DDX4: variants seen among roughly 807,000 people sequenced by gnomAD.
The protein encoded by DDX4 is DEAD-box helicase 4.
In DDX4, 25 loss-of-function variants were observed where a neutral mutation model predicts 100.0. The observed-to-expected ratio is 0.25, with a 90% confidence interval of 0.18 to 0.35. DDX4 has a LOEUF of 0.35. DDX4 is among the 10% of genes least tolerant of loss of function. DDX4 has a pLI of 1.00. For missense variants in DDX4, 635 were observed against 882.4 expected (o/e 0.72, Z 3.55); for synonymous variants, 259 against 275.7 (o/e 0.94, Z 0.60).
chr5:55,750,640 A>G (rs568265202), intron 3 of DDX4, among the ~76,000 whole-genome samples: 1 of 152,184 alleles, frequency 6.6e-6, no homozygotes, highest in Non-Finnish European at 1.5e-5. Flanking sequence ...TTGGAACTCC[A>G]TAACTAATTG....
intron 10 of DDX4, among the ~76,000 whole-genome samples, chr5:55,784,487 G>A (rs1193387513): frequency 6.6e-6 from 1 of 152,168 alleles, no homozygotes; most frequent in Non-Finnish European, 1.5e-5. Flanking sequence ...AGCTACCTGG[G>A]TATCCCTTAA....
chr5:55,804,750 G>A (rs1296834022), intron 18 of DDX4, among the ~76,000 whole-genome samples: 2 of 152,102 alleles, frequency 1.3e-5, no homozygotes, highest in Non-Finnish European at 2.9e-5. Context: ...TTGAAGTCAG[G>A]TAGTGTGATG....
At chr5:55,795,862 A>G (rs983093185) in intron 17 of DDX4, among the ~76,000 whole-genome samples, 3 of 152,330 alleles carry the variant, frequency 2.0e-5, no homozygotes, top group Middle Eastern at 3.4e-3. Flanking sequence ...TATTAGGGAA[A>G]ATTGGCTCAC....
intron 10 of DDX4, among the ~76,000 whole-genome samples, chr5:55,783,471 A>G (rs1373471873): frequency 6.6e-6 from 1 of 152,184 alleles, no homozygotes; most frequent in East Asian, 1.9e-4. Flanking sequence ...TCGTTATCTA[A>G]AAACCAGAAA....
chr5:55,793,937 C>T (rs1742748971), intron 17 of DDX4, among the ~76,000 whole-genome samples: 1 of 152,070 alleles, frequency 6.6e-6, no homozygotes, highest in Non-Finnish European at 1.5e-5. Context: ...AAAGTTGGTC[C>T]CCTGGTTTGA....
chr5:55,751,886 A>C (rs1221114643), intron 3 of DDX4, among the ~76,000 whole-genome samples: 1 of 152,200 alleles, frequency 6.6e-6, no homozygotes, highest in East Asian at 1.9e-4. Context: ...CTCCTACATT[A>C]TCTTCCTTAG....
At chr5:55,790,202 T>G (rs1468342337) in intron 15 of DDX4, among the ~76,000 whole-genome samples, 1 of 133,376 alleles carries the variant, frequency 7.5e-6, no homozygotes, top group Non-Finnish European at 1.5e-5. Flanking sequence ...TGGAGTAGAG[T>G]GGTGGGATCT....
chr5:55,750,721 T>C (rs780848247), intron 3 of DDX4, among the ~76,000 whole-genome samples: 15 of 152,190 alleles, frequency 9.9e-5, no homozygotes, highest in Non-Finnish European at 1.8e-4. Context: ...ACATGACTGC[T>C]CTGTGTATGT....
chr5:55,756,076 C>G (rs1291965785), intron 3 of DDX4, among the ~76,000 whole-genome samples: 1 of 151,922 alleles, frequency 6.6e-6, no homozygotes, highest in Non-Finnish European at 1.5e-5. Context: ...TATGATATTC[C>G]CTATGTAAAT....
At chr5:55,812,922 AAATG>A (rs374988832) in intron 18 of DDX4, among the ~76,000 whole-genome samples, 16 of 151,974 alleles carry the variant, frequency 1.1e-4, no homozygotes, top group African/African-American at 3.9e-4. Context: ...TTTGCTGAAT[AAATG>A]AATGAAGTGA....
chr5:55,765,008 C>T (rs1030315718), intron 6 of DDX4, among the ~76,000 whole-genome samples: 4 of 152,058 alleles, frequency 2.6e-5, no homozygotes, highest in Non-Finnish European at 5.9e-5. Flanking sequence ...GGTATAAGGC[C>T]GGATTTTAAT....
At chr5:55,795,132 A>C in intron 17 of DDX4, among the ~76,000 whole-genome samples, 1 of 151,800 alleles carries the variant, frequency 6.6e-6, no homozygotes, top group East Asian at 1.9e-4. Context: ...CGTCCGGCTA[A>C]TTTTGTATTT....
At chr5:55,783,632 GAGAT>G (rs752156287) in intron 10 of DDX4, among the ~76,000 whole-genome samples, 3 of 132,828 alleles carry the variant, frequency 2.3e-5, no homozygotes, top group Non-Finnish European at 5.0e-5. Context: ...AAGGAGGGAG[GAGAT>G]GGATGGATGG....
At chr5:55,739,896 C>CT (rs1415127266) in intron 2 of DDX4, among the ~76,000 whole-genome samples, 3 of 151,082 alleles carry the variant, frequency 2.0e-5, no homozygotes, top group Admixed American at 1.3e-4. Flanking sequence ...AACATGTTAC[C>CT]TTTTTTTTTA....
chr5:55,786,727 T>C, intron 14 of DDX4, 57 bp downstream of exon 14: 3 of 1,424,328 alleles, frequency 2.1e-6, no homozygotes, highest in Non-Finnish European at 2.9e-6. Flanking sequence ...GGTTCTTCCT[T>C]AGTAACTTGG....
At chr5:55,771,316 C>T (rs1051925329) in intron 7 of DDX4, among the ~76,000 whole-genome samples, 2 of 152,040 alleles carry the variant, frequency 1.3e-5, no homozygotes, top group African/African-American at 4.8e-5. Context: ...GACTCATTAC[C>T]CCCAAAACTT....
At chr5:55,782,386 G>A in intron 10 of DDX4, 1 of 173,734 alleles carries the variant, frequency 5.8e-6, no homozygotes, top group Admixed American at 5.7e-5. Context: ...AGGCAGATCA[G>A]AAGGTCAAGA....
chr5:55,763,831 A>G (rs1281376538), intron 5 of DDX4, among the ~76,000 whole-genome samples, 183 bp from the exon 6 acceptor site: 4 of 152,128 alleles, frequency 2.6e-5, no homozygotes. Context: ...CCTTAAGAGA[A>G]TGGAGTTGAT....
chr5:55,814,657 AT>A (rs766148951), intron 19 of DDX4, among the ~76,000 whole-genome samples: 4 of 152,032 alleles, frequency 2.6e-5, no homozygotes, highest in East Asian at 3.9e-4. Context: ...TGCCCAGCTA[AT>A]TTTTTGTATC....
Sources: allele counts gnomAD v4.1 joint callset (sites outside exome capture counted in the v4.1 genomes callset), GRCh38; gene constraint gnomAD v4.1.1; transcripts MANE v1.5; gene names NCBI Gene and HGNC (gene_info 2026-07-23, HGNC 2026-07-21).